WWC2: variants seen among roughly 807,000 people sequenced by gnomAD.
WWC2 encodes protein WWC2.
A neutral mutation model predicts 138.5 loss-of-function variants in WWC2; 101 were observed. The observed-to-expected ratio is 0.73, with a 90% CI of 0.62 to 0.86. The LOEUF (loss-of-function observed/expected upper bound fraction) is 0.86. Among genes scored for constraint, WWC2 ranks in the 40% least tolerant of loss-of-function variants. The pLI, the probability that WWC2 is intolerant of heterozygous loss-of-function variation, is 0.00. For synonymous variants in WWC2, 558 were observed against 538.4 expected, an observed-to-expected ratio of 1.04 and a Z score of -0.50; for missense variants, 1,420 against 1,419.4, an observed-to-expected ratio of 1.00 and a Z score of -0.01.
At chr4:183,145,382 TAAAG>T (rs1040183782) in intron 1 of WWC2, among the ~76,000 whole-genome samples, 2 of 152,198 alleles carry the variant, frequency 1.3e-5, no homozygotes, top group African/African-American at 2.4e-5. Flanking sequence ...ACAACAGTAT[TAAAG>T]AAGAGTTTAA....
chr4:183,319,461 A>T lies in WWC2; in HGVS notation c.*3732A>T. 7.6e-7 allele frequency: 1 copy of T among 1,309,054 alleles called. No homozygotes were observed. Among genetic ancestry groups the T allele is most frequent in the Non-Finnish European group, 1.1e-6 (1 of 949,962 alleles). 81.1% of individuals were successfully genotyped at this position (1,309,054 alleles called of 1,614,324 possible). On this transcript the variant is annotated 3_prime_UTR_variant, in exon 23 of 23. Transcript: ENST00000403733. ...CACAGGAAAAGATGCATTTTCAAAAATCAAAAGCACAGTGAGATGACTAGA... is the reference window on the plus strand; with the variant it reads ...CACAGGAAAAGATGCATTTTCAAAATTCAAAAGCACAGTGAGATGACTAGA...
At chr4:183,147,142 A>G (rs1251865323) in intron 1 of WWC2, among the ~76,000 whole-genome samples, 3 of 152,152 alleles carry the variant, frequency 2.0e-5, no homozygotes, top group Non-Finnish European at 4.4e-5. Context: ...TCACAGGCAA[A>G]CTTTTCTTAC....
At chr4:183,117,495 A>C (rs1275157539) in intron 1 of WWC2, among the ~76,000 whole-genome samples, 1 of 152,114 alleles carries the variant, frequency 6.6e-6, no homozygotes, top group Non-Finnish European at 1.5e-5. Flanking sequence ...TGCTGGGATT[A>C]CAGGCATGAG....
intron 4 of WWC2, among the ~76,000 whole-genome samples, chr4:183,218,860 A>C (rs560972763): frequency 2.0e-5 from 3 of 152,352 alleles, no homozygotes; most frequent in South Asian, 4.1e-4. Flanking sequence ...GTATACTCAG[A>C]GTTCACCAGT....
chr4:183,111,051 A>C (rs559015458), intron 1 of WWC2, among the ~76,000 whole-genome samples: 1 of 152,210 alleles, frequency 6.6e-6, no homozygotes, highest in East Asian at 1.9e-4. Context: ...CATCCTGGCT[A>C]ACATGGTGAA....
At chr4:183,281,242 T>G (rs747344857) in intron 17 of WWC2, 35 of 338,816 alleles carry the variant, frequency 1.0e-4, no homozygotes, top group Non-Finnish European at 1.6e-4. Flanking sequence ...TCTATTTTTC[T>G]TTTAACTACC....
At chr4:183,262,109 A>G (rs1345691006) in intron 11 of WWC2, among the ~76,000 whole-genome samples, 1 of 152,204 alleles carries the variant, frequency 6.6e-6, no homozygotes, top group Non-Finnish European at 1.5e-5. Context: ...ATTACTAGAG[A>G]TTGTAGTTCT....
intron 21 of WWC2, among the ~76,000 whole-genome samples, chr4:183,305,978 C>G (rs1020030913): frequency 6.6e-6 from 1 of 152,008 alleles, no homozygotes; most frequent in South Asian, 2.1e-4. Context: ...AGCAATGATG[C>G]AAGGGACAAG....
rs1000271686 is a variant in WWC2, at chr4:183,317,486, G to A, written c.*1757G>A. The A allele has an allele frequency of 8.5e-5, 13 of 152,582 alleles. No individual in the cohort carries two copies. The highest frequency in any genetic ancestry group is 3.1e-4 in the African/African-American group (13 of 41,438). 9.5% of individuals were successfully genotyped at this position (152,582 alleles called of 1,614,324 possible). ...TCTATTAGATGACTAAGGAAAACTAGAAAAAGAATACAGTTCACCCTTGTC... is the reference window on the plus strand; with the variant it reads ...TCTATTAGATGACTAAGGAAAACTAAAAAAAGAATACAGTTCACCCTTGTC... On this transcript the variant is annotated 3_prime_UTR_variant, in exon 23 of 23. Coordinates refer to ENST00000403733, the MANE Select transcript of WWC2 (RefSeq NM_024949.6).
intron 4 of WWC2, among the ~76,000 whole-genome samples, chr4:183,216,606 C>CT (rs1735763777): frequency 6.6e-6 from 1 of 152,150 alleles, no homozygotes; most frequent in African/African-American, 2.4e-5. Flanking sequence ...CAGTAGAAGA[C>CT]TGTAATTCTT....
intron 4 of WWC2, among the ~76,000 whole-genome samples, chr4:183,231,191 A>G (rs1359688553): frequency 6.9e-6 from 1 of 144,592 alleles, no homozygotes; most frequent in Admixed American, 6.9e-5. Flanking sequence ...ACAATTTAGG[A>G]TTTGAAAATT....
chr4:183,114,129 A>G (rs1732337805), intron 1 of WWC2, among the ~76,000 whole-genome samples: 1 of 152,076 alleles, frequency 6.6e-6, no homozygotes, highest in Non-Finnish European at 1.5e-5. Flanking sequence ...GAGGTCGGGT[A>G]GTGGGTGAGT....
chr4:183,221,834 C>T (rs1388191715), intron 4 of WWC2, among the ~76,000 whole-genome samples: 1 of 152,092 alleles, frequency 6.6e-6, no homozygotes, highest in Non-Finnish European at 1.5e-5. Context: ...TTTTGGAAAG[C>T]GGGTTAGCGA....
chr4:183,208,260 T>C, intron 3 of WWC2, 104 bp downstream of exon 3: 2 of 1,228,810 alleles, frequency 1.6e-6, no homozygotes, highest in Non-Finnish European at 2.2e-6. Context: ...TCCTTTTCCC[T>C]CCTAAGCAGG....
intron 15 of WWC2, among the ~76,000 whole-genome samples, chr4:183,270,839 CA>C (rs1737673682): frequency 6.6e-6 from 1 of 152,166 alleles, no homozygotes; most frequent in Non-Finnish European, 1.5e-5. Flanking sequence ...TGGTATCTCA[CA>C]AACTAATCCC....
At chr4:183,283,561 A>T (rs1738148461) in intron 18 of WWC2, among the ~76,000 whole-genome samples, 1 of 152,254 alleles carries the variant, frequency 6.6e-6, no homozygotes, top group African/African-American at 2.4e-5. Flanking sequence ...GCAAACTTTC[A>T]TCAAGAGGCA....
chr4:183,240,071 A>G (rs1736568618), intron 4 of WWC2, 112 bp from the exon 5 acceptor site: 1 of 707,584 alleles, frequency 1.4e-6, no homozygotes, highest in South Asian at 2.5e-5. Context: ...ATGTTACTTT[A>G]ACTCATGGCT....
intron 21 of WWC2, among the ~76,000 whole-genome samples, chr4:183,299,301 G>A (rs1738743111): frequency 6.6e-6 from 1 of 152,104 alleles, no homozygotes; most frequent in Admixed American, 6.5e-5. Context: ...ATTTCAGCTT[G>A]AGTTTTGGGG....
chr4:183,144,988 T>C (rs1733408157), intron 1 of WWC2, among the ~76,000 whole-genome samples: 1 of 152,260 alleles, frequency 6.6e-6, no homozygotes, highest in Non-Finnish European at 1.5e-5. Context: ...TAAGGGAGTA[T>C]AGCCGTAGGC....
Sources: allele counts gnomAD v4.1 joint callset (sites outside exome capture counted in the v4.1 genomes callset), GRCh38; gene constraint gnomAD v4.1.1; transcripts MANE v1.5; gene names NCBI Gene and HGNC (gene_info 2026-07-23, HGNC 2026-07-21).